The following RFFL variants were observed in gnomAD, a reference collection of about 807,000 sequenced individuals.
The protein encoded by RFFL is E3 ubiquitin-protein ligase rififylin.
In RFFL, 16 loss-of-function variants were observed where a neutral mutation model predicts 40.4. The ratio of observed to expected loss-of-function variants is 0.40; its 90% CI spans 0.27 to 0.60. The LOEUF is 0.60. Among genes scored for constraint, RFFL ranks in the 20% least tolerant of loss-of-function variants. The pLI, the probability that RFFL is intolerant of heterozygous loss-of-function variation, is 0.47. For synonymous variants in RFFL, 154 were observed against 167.9 expected, an observed-to-expected ratio of 0.92 and a Z score of 0.64; for missense variants, 367 against 451.7, an observed-to-expected ratio of 0.81 and a Z score of 1.70.
intron 2 of RFFL, among the ~76,000 whole-genome samples, chr17:35,026,082 T>A (rs1018208382): frequency 1.3e-5 from 2 of 152,210 alleles, no homozygotes; most frequent in Non-Finnish European, 2.9e-5. Flanking sequence ...ACTACAATCA[T>A]CCCCATTTTA....
chr17:35,052,330 C>T (rs772682973), intron 1 of RFFL, among the ~76,000 whole-genome samples: 16 of 152,108 alleles, frequency 1.1e-4, no homozygotes, highest in African/African-American at 3.9e-4. Context: ...GTTCTTTATA[C>T]ATGGTCTTTT....
At chr17:35,029,521 CTTTT>C (rs34986105) in intron 1 of RFFL, among the ~76,000 whole-genome samples, 5 of 114,984 alleles carry the variant, frequency 4.3e-5, no homozygotes, top group Non-Finnish European at 7.2e-5. Flanking sequence ...TTTTTGCTTT[CTTTT>C]TTTTTTTTTT....
At chr17:35,076,928 G>A (rs866872365) in intron 1 of RFFL, 32 of 280,778 alleles carry the variant, frequency 1.1e-4, no homozygotes, top group Admixed American at 6.3e-4. Context: ...ATTGTATACA[G>A]CAAATTCGGG....
intron 1 of RFFL, among the ~76,000 whole-genome samples, chr17:35,057,179 A>G (rs984558530): frequency 6.6e-6 from 1 of 152,004 alleles, no homozygotes; most frequent in Non-Finnish European, 1.5e-5. Context: ...TCAGCCTCCC[A>G]AAGTGCTAGG....
chr17:35,009,417 A>G lies in RFFL; in HGVS notation c.*2551T>C, dbSNP rs1242638928. The G allele has an allele frequency of 6.6e-6, 1 of 152,224 alleles. No homozygotes were observed. Among genetic ancestry groups the G allele is most frequent in the Non-Finnish European group, 1.5e-5 (1 of 68,038 alleles). The allele number at this position is 152,224 out of a possible 1,614,324, so 9.4% of individuals were successfully genotyped here. A position where few individuals can be genotyped will look rare whatever the true frequency, so the allele number is the denominator to read the frequency against. ...TCAGAGTAATCAGCAAAAGCTACGG[A>G]ATAATTCTAAGAATTAGATGTTTCC... On this transcript the variant is annotated 3_prime_UTR_variant, in exon 7 of 7. Coordinates refer to ENST00000394597, the MANE Select transcript of RFFL (RefSeq NM_001017368.2).
intron 1 of RFFL, among the ~76,000 whole-genome samples, chr17:35,074,805 C>T (rs947427524): frequency 4.6e-5 from 7 of 152,192 alleles, no homozygotes; most frequent in Admixed American, 2.6e-4. Context: ...CAGTCTTACA[C>T]AAATTCTCCC....
chr17:35,047,783 C>T (rs2091208480), intron 1 of RFFL, among the ~76,000 whole-genome samples: 1 of 151,278 alleles, frequency 6.6e-6, no homozygotes, highest in Admixed American at 6.6e-5. Context: ...ACAGAGTCTC[C>T]CTCTGTCACC....
chr17:35,047,028 GA>G (rs1426050307), intron 1 of RFFL, among the ~76,000 whole-genome samples: 1 of 152,204 alleles, frequency 6.6e-6, no homozygotes, highest in African/African-American at 2.4e-5. Flanking sequence ...TTCTTCCATC[GA>G]AACTGATGAC....
chr17:35,072,782 G>A (rs1308494152), intron 1 of RFFL, among the ~76,000 whole-genome samples: 3 of 151,860 alleles, frequency 2.0e-5, no homozygotes, highest in East Asian at 1.9e-4. Flanking sequence ...GGTGGCTCAC[G>A]CCTGTAATCC....
chr17:35,074,132 A>G (rs2091364541), intron 1 of RFFL: 1 of 152,220 alleles, frequency 6.6e-6, no homozygotes, highest in African/African-American at 2.4e-5. Flanking sequence ...GTCAGTGTAG[A>G]AAGTAAAAGT....
intron 1 of RFFL, among the ~76,000 whole-genome samples, chr17:35,076,259 T>G (rs910650424): frequency 4.6e-5 from 7 of 151,930 alleles, no homozygotes; most frequent in Admixed American, 1.3e-4. Context: ...CCTCCAAAAG[T>G]GTTGAGATTA....
intron 1 of RFFL, among the ~76,000 whole-genome samples, chr17:35,046,154 C>A (rs1208414904): frequency 6.6e-6 from 1 of 151,910 alleles, no homozygotes; most frequent in African/African-American, 2.4e-5. Flanking sequence ...TCTTTGTCTG[C>A]TAAGATTACT....
rs1349831421 is a variant in RFFL at position 35,009,385 on chromosome 17, T to C, written c.*2583A>G. ...TCTGTCTTTTGAAACAAGTCTTAAC[T>C]GAAATCTCAGAGTAATCAGCAAAAG... is the stretch of plus-strand genomic sequence containing the variant. On this transcript the variant is annotated 3_prime_UTR_variant, in exon 7 of 7. Transcript: ENST00000394597. The C allele has an allele frequency of 6.6e-6, 1 of 152,204 alleles. No individual in the cohort carries two copies. The highest frequency in any genetic ancestry group is 2.4e-5 in the African/African-American group (1 of 41,450). The allele number at this position is 152,204 out of a possible 1,614,324, so 9.4% of individuals were successfully genotyped here.
Position 35,012,165 on chromosome 17 carries a change from G to A in RFFL, c.911-16C>T. On this transcript the variant is annotated splice_polypyrimidine_tract_variant and intron_variant, in intron 6 of 6. Transcript: ENST00000394597. ...ACTGCTCCCCCTGTACAAACACACA[G>A]GGCAGAAAAAAAGGGGCAGAGGAGT... 7 of 1,606,066 alleles carry A rather than the reference G, an allele frequency of 4.4e-6. No homozygotes were observed. The highest frequency in any genetic ancestry group is 6.0e-6 in the Non-Finnish European group (7 of 1,176,326).
chr17:35,071,069 A>G (rs563156398), intron 1 of RFFL, among the ~76,000 whole-genome samples: 2 of 151,736 alleles, frequency 1.3e-5, no homozygotes, highest in Non-Finnish European at 2.9e-5. Flanking sequence ...ATGGTGGCAC[A>G]TGCCTGTAGT....
intron 1 of RFFL, among the ~76,000 whole-genome samples, chr17:35,085,512 C>T (rs1270260912): frequency 6.6e-6 from 1 of 152,192 alleles, no homozygotes; most frequent in African/African-American, 2.4e-5. Context: ...TCACTGCAAC[C>T]TCCGTCTCCC....
In RFFL at chr17:35,083,882, GAA is replaced by G. The variant is rs747725899; in HGVS notation, c.-9+5221_-9+5222del. On this transcript the variant is annotated intron_variant, in intron 1 of 6. Transcript: ENST00000315249. ...CAGGAGATAATGCCCCCCCCACCCT[GAA>G]AAAGAGTATCAATGCAATAAAACGG... Among the ~76,000 whole-genome samples, 42 of 151,802 alleles carry G rather than the reference GAA, an allele frequency of 2.8e-4. 1 individual carries two copies. Among genetic ancestry groups the G allele is most frequent in the Non-Finnish European group, 1.2e-4 (8 of 67,978 alleles).
chr17:35,052,634 T>C (rs2091238318), intron 1 of RFFL, among the ~76,000 whole-genome samples: 6 of 151,926 alleles, frequency 3.9e-5, no homozygotes, highest in Admixed American at 2.6e-4. Flanking sequence ...AAACAATGAG[T>C]AGAAACTTAA....
chr17:35,019,175 C>A (rs1389052359), intron 3 of RFFL, among the ~76,000 whole-genome samples: 1 of 152,144 alleles, frequency 6.6e-6, no homozygotes, highest in Non-Finnish European at 1.5e-5. Flanking sequence ...TTCTTCCATG[C>A]CTGTTTTTCC....
Sources: allele counts gnomAD v4.1 joint callset (sites outside exome capture counted in the v4.1 genomes callset), GRCh38; gene constraint gnomAD v4.1.1; transcripts MANE v1.5; gene names NCBI Gene and HGNC (gene_info 2026-07-23, HGNC 2026-07-21).